Variants in SLIT3 observed in about 807,000 individuals in gnomAD.
SLIT3 encodes slit homolog 3 protein.
SLIT3 carries 68 observed loss-of-function variants against 184.0 expected under a neutral mutation model. That is an observed-to-expected ratio of 0.37 (90% CI 0.30 to 0.45). SLIT3 has a LOEUF of 0.45. SLIT3 is among the 20% of genes least tolerant of loss of function. The pLI is 1.00. For synonymous variants in SLIT3, 831 were observed against 828.6 expected (o/e 1.00, Z -0.05); for missense variants, 1,707 against 2,026.0 (o/e 0.84, Z 3.02).
chr5:168,731,012 G>A (rs148482759), intron 20 of SLIT3, among the ~76,000 whole-genome samples: 1 of 151,510 alleles, frequency 6.6e-6, no homozygotes, highest in Non-Finnish European at 1.5e-5. Context: ...TCTTCAAAAA[G>A]ATAAACAAAA....
intron 4 of SLIT3, among the ~76,000 whole-genome samples, chr5:169,000,254 T>C (rs1755657731): frequency 6.6e-6 from 1 of 151,736 alleles, no homozygotes; most frequent in Non-Finnish European, 1.5e-5. Flanking sequence ...TAGCTGGGCA[T>C]GGTGGTGTGT....
intron 6 of SLIT3, among the ~76,000 whole-genome samples, chr5:168,826,917 C>T (rs1757723578): frequency 1.3e-5 from 2 of 152,080 alleles, no homozygotes; most frequent in Non-Finnish European, 2.9e-5. Context: ...TGCCCACCAC[C>T]ACGTCTGGCT....
intron 4 of SLIT3, among the ~76,000 whole-genome samples, chr5:169,048,640 T>C (rs1174903704): frequency 1.3e-5 from 2 of 152,194 alleles, no homozygotes; most frequent in Admixed American, 6.5e-5. Context: ...CTTGTCCTTT[T>C]TGAGTATAAA....
chr5:168,971,858 C>T (rs760058792), intron 4 of SLIT3, among the ~76,000 whole-genome samples: 45 of 152,226 alleles, frequency 3.0e-4, no homozygotes, highest in African/African-American at 1.1e-3. Flanking sequence ...GGAGCTACCA[C>T]CTTTTAGGCT....
rs189073308 is a variant in SLIT3 at position 168,865,859 on chromosome 5, A to G, written c.485+17406T>C. On this transcript the variant is annotated intron_variant, in intron 5 of 35. Transcript: ENST00000519560. ...AACTTTTAAATGTACCTTCCATTTT[A>G]TTTAATTAAATTGGAATATATGATT... 1.1e-3 allele frequency among the ~76,000 whole-genome samples: 162 copies of G among 152,278 alleles called. 1 individual carries two copies. The highest frequency in any genetic ancestry group is 3.9e-3 in the African/African-American group (160 of 41,554).
chr5:169,116,909 C>T (rs1219198151), intron 4 of SLIT3, among the ~76,000 whole-genome samples: 2 of 152,294 alleles, frequency 1.3e-5, no homozygotes, highest in South Asian at 2.1e-4. Context: ...TTGAGGTTTC[C>T]CTAGGCCAGC....
rs35719669 is a variant in SLIT3 at position 168,873,466 on chromosome 5, CAA to C, written c.485+9797_485+9798del. ...GCAACATGGCAAAATCCTGTCTCTACAAAAAAAAAAAAAAATTAGCCGGGTGT... is the reference window on the plus strand; with the variant it reads ...GCAACATGGCAAAATCCTGTCTCTACAAAAAAAAAAAAATTAGCCGGGTGT... On this transcript the variant is annotated intron_variant, in intron 5 of 35. Transcript: ENST00000519560. Among the ~76,000 whole-genome samples, 794 of 130,006 alleles carry C rather than the reference CAA, an allele frequency of 6.1e-3. 7 individuals are homozygous for C. Among genetic ancestry groups the C allele is most frequent in the African/African-American group, 0.02 (732 of 37,076 alleles). 85.3% of individuals were successfully genotyped at this position (130,006 alleles called of 152,430 possible).
At chr5:168,755,585 C>T (rs930873203) in intron 16 of SLIT3, among the ~76,000 whole-genome samples, 2 of 151,910 alleles carry the variant, frequency 1.3e-5, no homozygotes, top group East Asian at 3.9e-4. Context: ...CAGGTGCCTG[C>T]CACCATGCCC....
At chr5:168,675,122 AT>A (rs1227311903) in intron 32 of SLIT3, among the ~76,000 whole-genome samples, 1 of 152,046 alleles carries the variant, frequency 6.6e-6, no homozygotes, top group African/African-American at 2.4e-5. Context: ...GTGGGAGATG[AT>A]GGGAGTTGGG....
At chr5:168,677,532 T>C (rs557113999) in intron 32 of SLIT3, among the ~76,000 whole-genome samples, 13 of 152,334 alleles carry the variant, frequency 8.5e-5, no homozygotes, top group African/African-American at 3.1e-4. Context: ...CACTGCAACC[T>C]CCACCTCCCT....
intron 4 of SLIT3, among the ~76,000 whole-genome samples, chr5:169,004,857 C>T (rs923791958): frequency 1.2e-4 from 18 of 152,158 alleles, no homozygotes; most frequent in African/African-American, 4.1e-4. Flanking sequence ...GAAGAAGGCC[C>T]TCCCCAGAAT....
chr5:168,807,267 C>T (rs12522197), intron 8 of SLIT3, among the ~76,000 whole-genome samples: 2 of 152,110 alleles, frequency 1.3e-5, no homozygotes, highest in Non-Finnish European at 2.9e-5. Context: ...CAAATAGTAC[C>T]TAAGGAGCTC....
At chr5:168,945,246 A>ATTTTT (rs34333315) in intron 4 of SLIT3, among the ~76,000 whole-genome samples, 17 of 147,996 alleles carry the variant, frequency 1.1e-4, no homozygotes, top group African/African-American at 4.2e-4. Flanking sequence ...TGGTATCCAC[A>ATTTTT]TTTTTTTTTT....
intron 4 of SLIT3, among the ~76,000 whole-genome samples, chr5:169,141,838 T>C (rs1026708783): frequency 1.4e-5 from 2 of 147,234 alleles, no homozygotes; most frequent in African/African-American, 5.1e-5. Context: ...GATCACAAGG[T>C]CAGGAGATCG....
chr5:169,218,314 C>CA (rs1764513608), intron 3 of SLIT3, among the ~76,000 whole-genome samples: 1 of 152,224 alleles, frequency 6.6e-6, no homozygotes, highest in Non-Finnish European at 1.5e-5. Context: ...CATGATATCA[C>CA]ACCTTAGACC....
At chr5:168,757,625 CGG>C (rs1217290408) in intron 16 of SLIT3, among the ~76,000 whole-genome samples, 1 of 151,726 alleles carries the variant, frequency 6.6e-6, no homozygotes, top group Non-Finnish European at 1.5e-5. Flanking sequence ...TTAGTAGAGA[CGG>C]GGTTTCACCG....
chr5:168,887,616 C>T (rs1179868226), intron 4 of SLIT3, among the ~76,000 whole-genome samples: 1 of 152,144 alleles, frequency 6.6e-6, no homozygotes, highest in Non-Finnish European at 1.5e-5. Context: ...ATGACTCTGT[C>T]TCACATCTCC....
At chr5:168,685,078 TAGCTGGGATTAC>T (rs1210212955) in intron 31 of SLIT3, among the ~76,000 whole-genome samples, 3 of 152,172 alleles carry the variant, frequency 2.0e-5, no homozygotes, top group Non-Finnish European at 2.9e-5. Context: ...CGCCTCCCAA[TAGCTGGGATTAC>T]AGGCATGCAC....
chr5:168,667,352 A>T (rs555149539), intron 35 of SLIT3, among the ~76,000 whole-genome samples: 2 of 152,252 alleles, frequency 1.3e-5, no homozygotes, highest in Non-Finnish European at 2.9e-5. Context: ...AACATACAGT[A>T]TATGTTTTTG....
Sources: allele counts gnomAD v4.1 joint callset (sites outside exome capture counted in the v4.1 genomes callset), GRCh38; gene constraint gnomAD v4.1.1; transcripts MANE v1.5; gene names NCBI Gene and HGNC (gene_info 2026-07-23, HGNC 2026-07-21).